Variants in RBMS1 observed in about 807,000 individuals in gnomAD.
RBMS1 encodes RNA-binding motif, single-stranded-interacting protein 1.
A neutral mutation model predicts 62.3 loss-of-function variants in RBMS1; 17 were observed. That is an observed-to-expected ratio of 0.27 (90% CI 0.19 to 0.41). The LOEUF (loss-of-function observed/expected upper bound fraction) is 0.41. Ranked by LOEUF, RBMS1 falls within the 10% of genes least tolerant of loss-of-function variation. RBMS1 has a pLI of 1.00. For missense variants in RBMS1, 334 were observed against 504.5 expected, an observed-to-expected ratio of 0.66 and a Z score of 3.24; for synonymous variants, 172 against 170.0, an observed-to-expected ratio of 1.01 and a Z score of -0.09.
At chr2:160,310,991 C>A (rs1285423139) in intron 4 of RBMS1, among the ~76,000 whole-genome samples, 1 of 151,768 alleles carries the variant, frequency 6.6e-6, no homozygotes, top group African/African-American at 2.4e-5. Flanking sequence ...ATCAGGAGTT[C>A]AAGACCAGCC....
At chr2:160,383,275 T>C (rs754139573) in intron 1 of RBMS1, among the ~76,000 whole-genome samples, 25 of 152,198 alleles carry the variant, frequency 1.6e-4, no homozygotes, top group Non-Finnish European at 2.8e-4. Context: ...AGAATACCAA[T>C]ATCAACCTCC....
intron 2 of RBMS1, among the ~76,000 whole-genome samples, chr2:160,356,868 A>G (rs1171559945): frequency 2.0e-5 from 3 of 152,178 alleles, no homozygotes; most frequent in Non-Finnish European, 2.9e-5. Flanking sequence ...TACTTGGCAT[A>G]GTTATCGGGA....
chr2:160,314,489 G>C (rs1009632713), intron 3 of RBMS1, among the ~76,000 whole-genome samples: 1 of 152,146 alleles, frequency 6.6e-6, no homozygotes, highest in Non-Finnish European at 1.5e-5. Context: ...AATTTAGATA[G>C]TATGATACTA....
intron 10 of RBMS1, 199 bp from the exon 11 acceptor site, chr2:160,278,857 G>A (rs955773721): frequency 5.9e-6 from 3 of 510,434 alleles, no homozygotes; most frequent in Non-Finnish European, 1.0e-5. Flanking sequence ...TTTTAAGAGC[G>A]TTAGGGGAAA....
rs1171753086 is a variant in RBMS1, at chr2:160,272,594, A to C, written c.*2178T>G. The C allele has an allele frequency of 2.0e-5, 3 of 152,110 alleles. No homozygotes were observed. The highest frequency in any genetic ancestry group is 4.4e-5 in the Non-Finnish European group (3 of 68,006). 9.4% of individuals were successfully genotyped at this position (152,110 alleles called of 1,614,324 possible). A position where few individuals can be genotyped will look rare whatever the true frequency, so the allele number is the denominator to read the frequency against. On this transcript the variant is annotated 3_prime_UTR_variant, in exon 14 of 14. Coordinates refer to ENST00000348849, the MANE Select transcript of RBMS1 (RefSeq NM_016836.4). ...CCCCTCCCCTCTAACCGAGCTATCAAATTTCTGTCTTAACTAATGCAAAAA... is the reference window on the plus strand; with the variant it reads ...CCCCTCCCCTCTAACCGAGCTATCACATTTCTGTCTTAACTAATGCAAAAA...
intron 1 of RBMS1, among the ~76,000 whole-genome samples, chr2:160,376,804 C>CAAATAAATAAATAAAT (rs144445931): frequency 1.6e-4 from 24 of 150,944 alleles, no homozygotes; most frequent in African/African-American, 4.2e-4. Context: ...TCTGGCTAAT[C>CAAATAAATAAATAAAT]AAATAAATAA....
chr2:160,356,702 C>T (rs545157197), intron 2 of RBMS1, among the ~76,000 whole-genome samples: 63 of 152,276 alleles, frequency 4.1e-4, no homozygotes, highest in African/African-American at 1.4e-3. Context: ...TGCTCTTGGA[C>T]TTTCCAGCCT....
At position 160,335,976 on chromosome 2, in the gene RBMS1, T is replaced by TTAGG. The variant is rs540906323; in HGVS notation, c.252-17753_252-17750dup. Among the ~76,000 whole-genome samples the TTAGG allele has an allele frequency of 8.9e-4, 136 of 152,274 alleles. 4 individuals carry two copies. In the South Asian group the frequency reaches 0.028, roughly 31 times the overall value. On this transcript the variant is annotated intron_variant, in intron 2 of 13. Coordinates refer to ENST00000348849, the MANE Select transcript of RBMS1 (RefSeq NM_016836.4). ...AATTCAAACCTTTAGCCAAAGTGGGTTAGGATAAGCTGTCCTTCATCATTT... is the reference window on the plus strand; with the variant it reads ...AATTCAAACCTTTAGCCAAAGTGGGTTAGGTAGGATAAGCTGTCCTTCATCATTT...
chr2:160,300,227 A>C (rs1461520026), intron 6 of RBMS1, among the ~76,000 whole-genome samples: 1 of 152,210 alleles, frequency 6.6e-6, no homozygotes, highest in East Asian at 1.9e-4. Flanking sequence ...TGGTAATGAC[A>C]ACACAATGTA....
At chr2:160,274,826 T>C (rs1231898370) in intron 13 of RBMS1, 62 bp from the exon 14 acceptor site, 1 of 152,602 alleles carries the variant, frequency 6.6e-6, no homozygotes, top group Non-Finnish European at 1.5e-5. Flanking sequence ...CTACAGAGCT[T>C]TGTAATCTGT....
chr2:160,348,623 A>G (rs539942092), intron 2 of RBMS1, among the ~76,000 whole-genome samples: 1 of 152,158 alleles, frequency 6.6e-6, no homozygotes, highest in Non-Finnish European at 1.5e-5. Flanking sequence ...ACCTGCACTG[A>G]TCAAATACAG....
At chr2:160,471,555 A>G (rs4131705) in intron 1 of RBMS1, among the ~76,000 whole-genome samples, 42,866 of 150,596 alleles carry the variant, frequency 0.28, 6,735 homozygotes, top group East Asian at 0.6. Flanking sequence ...AATATGTGTG[A>G]ATCACAATGC....
chr2:160,397,345 T>C (rs902832245), intron 1 of RBMS1, among the ~76,000 whole-genome samples: 1 of 152,120 alleles, frequency 6.6e-6, no homozygotes, highest in African/African-American at 2.4e-5. Flanking sequence ...AAAGGTGAGC[T>C]TCACTGGCCT....
At chr2:160,401,534 G>A (rs1216170918) in intron 1 of RBMS1, among the ~76,000 whole-genome samples, 1 of 152,136 alleles carries the variant, frequency 6.6e-6, no homozygotes, top group Non-Finnish European at 1.5e-5. Context: ...AAAGCATTCT[G>A]TACAGATGCG....
chr2:160,487,397 G>A (rs1685641154), intron 1 of RBMS1, among the ~76,000 whole-genome samples: 2 of 152,160 alleles, frequency 1.3e-5, no homozygotes, highest in African/African-American at 2.4e-5. Context: ...TTCTTGCCTT[G>A]TGTCTATTCT....
intron 1 of RBMS1, among the ~76,000 whole-genome samples, chr2:160,485,071 T>TG (rs543487749): frequency 7.9e-5 from 12 of 152,088 alleles, no homozygotes; most frequent in Non-Finnish European, 1.8e-4. Flanking sequence ...AAGCTCAGCA[T>TG]GAGAAGCAGT....
At position 160,492,890 on chromosome 2, in the gene RBMS1, G is replaced by T. The variant is rs1226014921; in HGVS notation, c.75+399C>A. 108 of 176,834 alleles carry T rather than the reference G, an allele frequency of 6.1e-4. 1 individual carries two copies. The highest frequency in any genetic ancestry group is 2.4e-5 in the Non-Finnish European group (2 of 84,608). 11.0% of individuals were successfully genotyped at this position (176,834 alleles called of 1,614,324 possible). ...GGAGCGAAGAGTTACAGCTTACAGGGCGAGGCCCTTGGAGAAGGGGTCGAA... is the reference window on the plus strand; with the variant it reads ...GGAGCGAAGAGTTACAGCTTACAGGTCGAGGCCCTTGGAGAAGGGGTCGAA... On this transcript the variant is annotated intron_variant, in intron 1 of 13. Transcript: ENST00000348849.
At chr2:160,446,230 T>C (rs1683639229) in intron 1 of RBMS1, among the ~76,000 whole-genome samples, 1 of 152,210 alleles carries the variant, frequency 6.6e-6, no homozygotes, top group African/African-American at 2.4e-5. Context: ...AGTCCCAGCC[T>C]CATCCAATAC....
At chr2:160,415,172 T>C (rs1358764354) in intron 1 of RBMS1, among the ~76,000 whole-genome samples, 1 of 152,038 alleles carries the variant, frequency 6.6e-6, no homozygotes, top group African/African-American at 2.4e-5. Flanking sequence ...CCTATAAAAA[T>C]GTAAGTGCTT....
Sources: gnomAD v4.1 joint callset for allele counts (sites outside exome capture counted in the v4.1 genomes callset) on GRCh38, gnomAD v4.1.1 for gene constraint, MANE v1.5 for transcripts, NCBI Gene and HGNC (gene_info 2026-07-23, HGNC 2026-07-21) for gene names.